Variants in ZFPM2 observed in about 807,000 individuals in gnomAD.
ZFPM2 encodes the protein zinc finger protein, FOG family member 2.
ZFPM2 carries 20 observed loss-of-function variants against 98.6 expected under a neutral mutation model. That is an observed-to-expected ratio of 0.20 (90% CI 0.14 to 0.29). ZFPM2 has a LOEUF of 0.29. ZFPM2 is among the 10% of genes least tolerant of loss of function. The pLI is 1.00. For synonymous variants in ZFPM2, 518 were observed against 502.7 expected, an observed-to-expected ratio of 1.03 and a Z score of -0.41; for missense variants, 1,310 against 1,388.6, an observed-to-expected ratio of 0.94 and a Z score of 0.90.
At chr8:105,629,200 C>T (rs996406175) in intron 4 of ZFPM2, among the ~76,000 whole-genome samples, 1 of 152,180 alleles carries the variant, frequency 6.6e-6, no homozygotes, top group African/African-American at 2.4e-5. Flanking sequence ...CTTGTTCACT[C>T]CAGTTCCCAT....
chr8:105,334,060 C>A (rs761091073), intron 1 of ZFPM2, among the ~76,000 whole-genome samples: 3 of 145,936 alleles, frequency 2.1e-5, no homozygotes, highest in Non-Finnish European at 4.5e-5. Flanking sequence ...AAAATGTATA[C>A]ATTGTGGAAT....
chr8:105,322,668 T>C (rs1812049966), intron 1 of ZFPM2, among the ~76,000 whole-genome samples: 1 of 152,116 alleles, frequency 6.6e-6, no homozygotes, highest in South Asian at 2.1e-4. Context: ...AGGTGCCAAA[T>C]AATTTGTGGT....
intron 5 of ZFPM2, among the ~76,000 whole-genome samples, chr8:105,650,854 G>A (rs1010914986): frequency 4.6e-5 from 7 of 152,136 alleles, no homozygotes; most frequent in East Asian, 3.9e-4. Context: ...GTTGATTTGC[G>A]GTGGAGAGTT....
chr8:105,711,055 G>GT (rs1221578014), intron 5 of ZFPM2, among the ~76,000 whole-genome samples: 7 of 151,622 alleles, frequency 4.6e-5, no homozygotes, highest in African/African-American at 1.7e-4. Flanking sequence ...GGTCATTAAG[G>GT]TTTTTTAAAA....
intron 5 of ZFPM2, among the ~76,000 whole-genome samples, chr8:105,725,168 A>C (rs1811778118): frequency 6.6e-6 from 1 of 151,716 alleles, no homozygotes; most frequent in African/African-American, 2.4e-5. Flanking sequence ...CCAAAGCAAT[A>C]TTTTGCTTTT....
intron 3 of ZFPM2, among the ~76,000 whole-genome samples, chr8:105,457,518 T>C (rs1229922310): frequency 1.3e-5 from 2 of 152,124 alleles, no homozygotes; most frequent in Non-Finnish European, 2.9e-5. Flanking sequence ...TTAAAACACA[T>C]GGCTGCAGGT....
chr8:105,596,769 G>C (rs1815980085), intron 4 of ZFPM2, among the ~76,000 whole-genome samples: 1 of 122,006 alleles, frequency 8.2e-6, no homozygotes, highest in Non-Finnish European at 1.7e-5. Context: ...TTTTTAATGA[G>C]TGATTATGAG....
At chr8:105,541,710 A>G (rs982046996) in intron 3 of ZFPM2, among the ~76,000 whole-genome samples, 7 of 152,310 alleles carry the variant, frequency 4.6e-5, no homozygotes, top group Admixed American at 3.9e-4. Flanking sequence ...TAGGAAATGT[A>G]TAATCTTACA....
intron 1 of ZFPM2, among the ~76,000 whole-genome samples, chr8:105,398,938 A>G (rs1586344341): frequency 6.6e-6 from 1 of 152,288 alleles, no homozygotes; most frequent in Admixed American, 6.5e-5. Flanking sequence ...AGGAGCAGAG[A>G]GGGCATTTGT....
intron 3 of ZFPM2, among the ~76,000 whole-genome samples, chr8:105,514,853 C>T (rs1374395784): frequency 2.0e-5 from 3 of 152,136 alleles, no homozygotes; most frequent in Admixed American, 1.3e-4. Context: ...TCTGGTTGCA[C>T]GCAGTGAACT....
intron 1 of ZFPM2, among the ~76,000 whole-genome samples, chr8:105,368,520 A>C (rs937065398): frequency 3.3e-5 from 5 of 152,216 alleles, no homozygotes; most frequent in African/African-American, 1.2e-4. Context: ...ATCTAAGTAT[A>C]CTTGCTTTAT....
chr8:105,327,622 A>C (rs1275564345), intron 1 of ZFPM2, among the ~76,000 whole-genome samples: 1 of 151,770 alleles, frequency 6.6e-6, no homozygotes, highest in African/African-American at 2.4e-5. Context: ...TAATGATGAA[A>C]TAAAAATTGT....
chr8:105,704,603 T>C (rs1811214622), intron 5 of ZFPM2, among the ~76,000 whole-genome samples: 1 of 152,172 alleles, frequency 6.6e-6, no homozygotes, highest in African/African-American at 2.4e-5. Context: ...TTTAGCTTGA[T>C]AGAAAGAAAA....
Position 105,547,376 on chromosome 8 carries a change from C to T in ZFPM2, c.302-13987C>T, listed in dbSNP as rs147334943. ...TGGCCCACATGGTGAAACCCTGTCT[C>T]TACAAAAAATATGAAAATAGCCGAG... On this transcript the variant is annotated intron_variant, in intron 3 of 7. Transcript: ENST00000407775. 3.0e-3 allele frequency among the ~76,000 whole-genome samples: 453 copies of T among 151,652 alleles called. 2 individuals carry two copies. The highest frequency in any genetic ancestry group is 0.01 in the African/African-American group (424 of 41,376).
At chr8:105,495,054 C>CA (rs894694123) in intron 3 of ZFPM2, among the ~76,000 whole-genome samples, 1 of 152,186 alleles carries the variant, frequency 6.6e-6, no homozygotes, top group African/African-American at 2.4e-5. Flanking sequence ...GATAGCTATA[C>CA]AAAAAAAGGC....
chr8:105,410,310 A>T (rs557303105), intron 1 of ZFPM2, among the ~76,000 whole-genome samples: 1 of 152,034 alleles, frequency 6.6e-6, no homozygotes, highest in East Asian at 1.9e-4. Flanking sequence ...AAAGAAACGT[A>T]TGCTGAATGT....
intron 5 of ZFPM2, among the ~76,000 whole-genome samples, chr8:105,730,493 C>A (rs1263818131): frequency 1.3e-5 from 2 of 151,714 alleles, no homozygotes; most frequent in Admixed American, 1.3e-4. Flanking sequence ...ATTTTACATG[C>A]ACAAAGTTGT....
At chr8:105,731,755 T>C (rs116826544) in intron 5 of ZFPM2, among the ~76,000 whole-genome samples, 251 of 151,892 alleles carry the variant, frequency 1.7e-3, no homozygotes, top group African/African-American at 5.8e-3. Flanking sequence ...TGTAATTTAA[T>C]GTCCAGATTT....
chr8:105,612,890 G>GA lies in ZFPM2; in HGVS notation c.421-21350dup, dbSNP rs1816335204. ...GGTTTTACTAGGGAAATAGTGGAAA[G>GA]AAAAAATGATCATTTTCCTGGCTTC... is the stretch of plus-strand genomic sequence containing the variant. On this transcript the variant is annotated intron_variant, in intron 4 of 7. Transcript: ENST00000407775. Among the ~76,000 whole-genome samples, 3 of 152,074 alleles carry GA rather than the reference G, an allele frequency of 2.0e-5. No individual in the cohort carries two copies. The South Asian group carries it at 6.2e-4, about 31-fold the overall frequency.
Sources: gnomAD v4.1 joint callset for allele counts (sites outside exome capture counted in the v4.1 genomes callset) on GRCh38, gnomAD v4.1.1 for gene constraint, MANE v1.5 for transcripts, NCBI Gene and HGNC (gene_info 2026-07-23, HGNC 2026-07-21) for gene names.